CSMD1: variants seen among roughly 807,000 people sequenced by gnomAD.
The protein encoded by CSMD1 is CUB and sushi domain-containing protein 1.
Under a neutral mutation model 417.5 loss-of-function variants are expected in CSMD1, and 213 were observed. The ratio of observed to expected loss-of-function variants is 0.51; its 90% confidence interval spans 0.46 to 0.57. CSMD1 has a LOEUF of 0.57. CSMD1 is among the 20% of genes least tolerant of loss of function. The pLI, the probability that CSMD1 is intolerant of heterozygous loss-of-function variation, is 0.00. For missense variants in CSMD1, 6,923 were observed against 4,529.7 expected (o/e 1.53, Z -15.17); for synonymous variants, 2,862 against 1,736.8 (o/e 1.65, Z -16.11).
chr8:2,942,202 A>G (rs1801920393), intron 69 of CSMD1, among the ~76,000 whole-genome samples: 1 of 152,090 alleles, frequency 6.6e-6, no homozygotes, highest in African/African-American at 2.4e-5. Context: ...GAGCATCAAG[A>G]AGAACAGCTG....
intron 5 of CSMD1, among the ~76,000 whole-genome samples, chr8:3,955,144 A>C (rs1441778514): frequency 6.6e-6 from 1 of 152,178 alleles, no homozygotes; most frequent in Non-Finnish European, 1.5e-5. Context: ...CGGTAACGGG[A>C]AGACAGAAGC....
intron 5 of CSMD1, among the ~76,000 whole-genome samples, chr8:3,942,534 G>C: frequency 6.6e-6 from 1 of 152,192 alleles, no homozygotes; most frequent in Non-Finnish European, 1.5e-5. Flanking sequence ...GGAGGACACC[G>C]GTGCATGAGG....
intron 26 of CSMD1, among the ~76,000 whole-genome samples, chr8:3,245,497 A>G (rs1183817276): frequency 6.6e-6 from 1 of 152,210 alleles, no homozygotes; most frequent in East Asian, 1.9e-4. Context: ...CAAAAGCTAA[A>G]TAAGCCTCCT....
intron 6 of CSMD1, among the ~76,000 whole-genome samples, chr8:3,719,434 G>A (rs1802020600): frequency 6.6e-6 from 1 of 152,026 alleles, no homozygotes; most frequent in African/African-American, 2.4e-5. Flanking sequence ...TCTTTTTCCA[G>A]GCACATAATG....
chr8:3,338,668 A>T (rs1480544583), intron 23 of CSMD1, among the ~76,000 whole-genome samples: 2 of 152,184 alleles, frequency 1.3e-5, no homozygotes, highest in Non-Finnish European at 2.9e-5. Flanking sequence ...TGGCCAGTGC[A>T]CTTCTGCAGG....
intron 45 of CSMD1, 78 bp downstream of exon 45, chr8:3,107,640 G>C (rs1008741725): frequency 5.0e-6 from 4 of 806,584 alleles, no homozygotes; most frequent in Non-Finnish European, 8.3e-6. Flanking sequence ...TAACTTGTCT[G>C]AGTAATGATT....
At chr8:3,967,076 C>G (rs549279494) in intron 5 of CSMD1, among the ~76,000 whole-genome samples, 61 of 152,252 alleles carry the variant, frequency 4.0e-4, no homozygotes, top group Non-Finnish European at 7.9e-4. Context: ...CATGAGCAAG[C>G]TATTCTAACA....
intron 28 of CSMD1, among the ~76,000 whole-genome samples, chr8:3,220,067 G>A (rs1246561534): frequency 1.4e-5 from 2 of 146,544 alleles, no homozygotes; most frequent in East Asian, 4.2e-4. Context: ...ATCACTTGAG[G>A]CCAGGAGTCT....
chr8:4,803,810 A>G (rs970348883), intron 1 of CSMD1, among the ~76,000 whole-genome samples: 14 of 152,146 alleles, frequency 9.2e-5, no homozygotes, highest in African/African-American at 3.1e-4. Flanking sequence ...TCTACATTTG[A>G]GCTCATAGAA....
chr8:4,597,907 G>A (rs1263363918), intron 2 of CSMD1, among the ~76,000 whole-genome samples: 2 of 151,912 alleles, frequency 1.3e-5, no homozygotes, highest in Non-Finnish European at 2.9e-5. Flanking sequence ...AGAATATGGT[G>A]GGTACTAAAA....
intron 3 of CSMD1, among the ~76,000 whole-genome samples, chr8:4,087,232 C>G (rs1020488755): frequency 6.6e-6 from 1 of 152,172 alleles, no homozygotes. Flanking sequence ...CAAGGAACGG[C>G]TAAGTCCACC....
At chr8:3,973,569 G>C (rs1005652130) in intron 5 of CSMD1, among the ~76,000 whole-genome samples, 1 of 151,948 alleles carries the variant, frequency 6.6e-6, no homozygotes, top group South Asian at 2.1e-4. Flanking sequence ...TGTCATTCTA[G>C]AATTTTAAAA....
intron 1 of CSMD1, among the ~76,000 whole-genome samples, chr8:4,930,599 C>T (rs1242099013): frequency 1.3e-5 from 2 of 152,262 alleles, no homozygotes; most frequent in Middle Eastern, 3.4e-3. Flanking sequence ...AAGGATAGAA[C>T]ACAATTACAT....
chr8:4,400,569 C>A (rs1430448), intron 3 of CSMD1, among the ~76,000 whole-genome samples: 96,500 of 152,170 alleles, frequency 0.63, 31,496 homozygotes, highest in African/African-American at 0.79. Flanking sequence ...CCACATCAGC[C>A]ATTACTTTCA....
At chr8:3,961,210 T>A (rs1420582388) in intron 5 of CSMD1, among the ~76,000 whole-genome samples, 2 of 152,164 alleles carry the variant, frequency 1.3e-5, no homozygotes, top group African/African-American at 4.8e-5. Flanking sequence ...TTGTCTCAAT[T>A]AAGGAGATTT....
chr8:3,243,808 T>C (rs940337129), intron 26 of CSMD1, among the ~76,000 whole-genome samples: 2 of 150,924 alleles, frequency 1.3e-5, no homozygotes, highest in Non-Finnish European at 2.9e-5. Context: ...TATAATTATA[T>C]GATGAATATT....
intron 1 of CSMD1, among the ~76,000 whole-genome samples, chr8:4,766,788 G>A (rs1433288320): frequency 6.6e-6 from 1 of 152,054 alleles, no homozygotes; most frequent in Non-Finnish European, 1.5e-5. Flanking sequence ...AATGAGAGTT[G>A]GATTCTACAT....
At chr8:3,496,651 C>T (rs1053247874) in intron 10 of CSMD1, among the ~76,000 whole-genome samples, 1 of 152,018 alleles carries the variant, frequency 6.6e-6, no homozygotes, top group African/African-American at 2.4e-5. Flanking sequence ...CAGAGTGAAA[C>T]CCTGTCTCCA....
chr8:4,302,521 G>A (rs921085499), intron 3 of CSMD1, among the ~76,000 whole-genome samples: 7 of 152,108 alleles, frequency 4.6e-5, no homozygotes, highest in South Asian at 2.1e-4. Flanking sequence ...CTTGCATGTA[G>A]GAAGTCAGAT....
Sources: gnomAD v4.1 joint callset for allele counts (sites outside exome capture counted in the v4.1 genomes callset) on GRCh38, gnomAD v4.1.1 for gene constraint, MANE v1.5 for transcripts, NCBI Gene and HGNC (gene_info 2026-07-23, HGNC 2026-07-21) for gene names.